Variants in TLE1 observed in about 807,000 individuals in gnomAD.
TLE1 encodes the protein transducin-like enhancer protein 1.
Under a neutral mutation model 89.8 loss-of-function variants are expected in TLE1, and 21 were observed. The ratio of observed to expected loss-of-function variants is 0.23; its 90% CI spans 0.17 to 0.34. The LOEUF (loss-of-function observed/expected upper bound fraction) is 0.34, where lower values mean the gene tolerates loss of function less well. Ranked by LOEUF, TLE1 falls within the 10% of genes least tolerant of loss-of-function variation. The pLI, the probability that TLE1 is intolerant of heterozygous loss-of-function variation, is 1.00. For synonymous variants in TLE1, 447 were observed against 407.6 expected, an observed-to-expected ratio of 1.10 and a Z score of -1.16; for missense variants, 795 against 1,031.2, an observed-to-expected ratio of 0.77 and a Z score of 3.14.
Position 81,682,882 on chromosome 9 carries a change from A to G in TLE1, c.234+2794T>C, listed in dbSNP as rs550711576. Among the ~76,000 whole-genome samples the G allele has an allele frequency of 5.9e-5, 9 of 152,346 alleles. No individual in the cohort carries two copies. The South Asian group carries it at 1.9e-3, about 32-fold the overall frequency. ...TAGTGCTACCATGAAAGACTTAAGT[A>G]TCTATTACCATTCCTGTTTCATTGC... On this transcript the variant is annotated intron_variant, in intron 4 of 19. Coordinates refer to ENST00000376499, the MANE Select transcript of TLE1 (RefSeq NM_005077.5).
chr9:81,600,615 G>A (rs1830786984), intron 14 of TLE1, among the ~76,000 whole-genome samples: 1 of 127,474 alleles, frequency 7.8e-6, no homozygotes, highest in Admixed American at 8.8e-5. Context: ...GTTATTTTTA[G>A]CATTTAATAG....
chr9:81,676,075 A>C (rs1564071982), intron 4 of TLE1, among the ~76,000 whole-genome samples: 1 of 152,176 alleles, frequency 6.6e-6, no homozygotes, highest in African/African-American at 2.4e-5. Context: ...AGATGCACAC[A>C]AACAGCCAAA....
chr9:81,635,649 C>G (rs921650414), intron 6 of TLE1, among the ~76,000 whole-genome samples: 2 of 152,138 alleles, frequency 1.3e-5, no homozygotes, highest in African/African-American at 4.8e-5. Flanking sequence ...CCTTGGGACT[C>G]AATTACTCAT....
intron 6 of TLE1, among the ~76,000 whole-genome samples, chr9:81,647,021 C>A (rs866323541): frequency 6.6e-6 from 1 of 151,898 alleles, no homozygotes; most frequent in Non-Finnish European, 1.5e-5. Flanking sequence ...TTGCCTAAAC[C>A]CGAATTTCAT....
intron 13 of TLE1, 66 bp from the exon 14 acceptor site, chr9:81,610,362 C>T: frequency 8.4e-7 from 1 of 1,193,212 alleles, no homozygotes. Context: ...AACATCAATA[C>T]TGTTCATTAG....
At chr9:81,620,880 T>G in intron 8 of TLE1, 1 of 654,886 alleles carries the variant, frequency 1.5e-6, no homozygotes, top group Non-Finnish European at 2.6e-6. Context: ...TCTTTCCCAC[T>G]GCGACTTCCT....
In TLE1 at chr9:81,611,784, G is replaced by A. The variant is rs768480178; in HGVS notation, c.1239C>T (p.Tyr413=). ...AGCGGCCTACCATGGGGGAGCGCCC[G>A]TAGGCCACCACGGCGGCCGCGGCGG... The part of the protein sequence containing the change: ...AAAAAAAVVA[Y]GRSPMVGFDP... The change falls in exon 13 of 20, where the codon TAC becomes TAT. Residue 413 remains tyrosine, a synonymous_variant. Transcript: ENST00000376499. 1.2e-5 allele frequency: 18 copies of A among 1,542,630 alleles called. No individual in the cohort carries two copies. The highest frequency in any genetic ancestry group is 4.5e-5 in the Admixed American group (2 of 44,180).
intron 4 of TLE1, among the ~76,000 whole-genome samples, chr9:81,668,867 C>G (rs1195635583): frequency 6.6e-6 from 1 of 152,130 alleles, no homozygotes; most frequent in Non-Finnish European, 1.5e-5. Flanking sequence ...CAGGGGCCAC[C>G]AGAAGTTACC....
chr9:81,606,337 C>T (rs1376488799), intron 14 of TLE1, among the ~76,000 whole-genome samples: 1 of 152,182 alleles, frequency 6.6e-6, no homozygotes, highest in Non-Finnish European at 1.5e-5. Flanking sequence ...TTTATTGTAG[C>T]ACTATTCAAA....
intron 6 of TLE1, among the ~76,000 whole-genome samples, chr9:81,645,624 A>T (rs1049644468): frequency 6.6e-6 from 1 of 151,038 alleles, no homozygotes; most frequent in African/African-American, 2.4e-5. Context: ...CCTATAATCC[A>T]AGCTCCTTGG....
At chr9:81,646,046 T>C (rs1325818174) in intron 6 of TLE1, among the ~76,000 whole-genome samples, 1 of 152,196 alleles carries the variant, frequency 6.6e-6, no homozygotes, top group Non-Finnish European at 1.5e-5. Flanking sequence ...GGTGGGTTGA[T>C]AGGTGCAGCA....
intron 14 of TLE1, among the ~76,000 whole-genome samples, chr9:81,599,647 T>G (rs1177406953): frequency 6.6e-6 from 1 of 152,194 alleles, no homozygotes; most frequent in Non-Finnish European, 1.5e-5. Flanking sequence ...GGGTAAAACC[T>G]TCCTCTGTCA....
chr9:81,630,516 A>C (rs189354608), intron 8 of TLE1, among the ~76,000 whole-genome samples: 1 of 152,366 alleles, frequency 6.6e-6, no homozygotes, highest in African/African-American at 2.4e-5. Context: ...AGTATCAAAA[A>C]TCAAAATATT....
intron 6 of TLE1, among the ~76,000 whole-genome samples, chr9:81,645,939 A>G (rs1828806613): frequency 1.3e-5 from 2 of 152,102 alleles, no homozygotes; most frequent in Non-Finnish European, 2.9e-5. Flanking sequence ...GGGGTACTCT[A>G]TTTTCTATTC....
At chr9:81,612,199 T>C in intron 12 of TLE1, 2 of 768,922 alleles carry the variant, frequency 2.6e-6, no homozygotes, top group Non-Finnish European at 3.5e-6. Context: ...TTCTCATTTG[T>C]GTAAATGGCA....
intron 4 of TLE1, among the ~76,000 whole-genome samples, chr9:81,675,147 G>A (rs999324325): frequency 2.0e-5 from 3 of 152,126 alleles, no homozygotes; most frequent in Non-Finnish European, 4.4e-5. Flanking sequence ...TGATTTTGGG[G>A]GAAGGAGGAG....
At position 81,688,667 on chromosome 9, in the gene TLE1, C is replaced by G. The variant is rs1471211832; in HGVS notation, c.-427G>C. 5.8e-6 allele frequency: 1 copy of G among 170,958 alleles called. No individual in the cohort carries two copies. The highest frequency in any genetic ancestry group is 1.2e-5 in the Non-Finnish European group (1 of 81,044). The allele number at this position is 170,958 out of a possible 1,614,324, so 10.6% of individuals were successfully genotyped here. On this transcript the variant is annotated 5_prime_UTR_variant, in exon 1 of 20. Transcript: ENST00000376499. ...AAACAAATCCAGACGGACTGCTTTT[C>G]TTTGCTCTTCTCCTGGTCCGCCTCC...
chr9:81,610,803 T>G (rs758213243), intron 13 of TLE1, among the ~76,000 whole-genome samples: 1 of 132,288 alleles, frequency 7.6e-6, no homozygotes, highest in South Asian at 2.6e-4. Context: ...TCAAATGTCC[T>G]CAAGGGACAA....
chr9:81,607,016 G>A (rs1389199088), intron 14 of TLE1, among the ~76,000 whole-genome samples: 1 of 147,962 alleles, frequency 6.8e-6, no homozygotes, highest in Non-Finnish European at 1.5e-5. Context: ...TTGAGCCCAG[G>A]AGTTTGAAAC....
Sources: gnomAD v4.1 joint callset for allele counts (sites outside exome capture counted in the v4.1 genomes callset) on GRCh38, gnomAD v4.1.1 for gene constraint, MANE v1.5 for transcripts, NCBI Gene and HGNC (gene_info 2026-07-23, HGNC 2026-07-21) for gene names.